The following DCHS1 variants were observed in gnomAD, a reference collection of about 807,000 sequenced individuals.
DCHS1 encodes dachsous cadherin-related 1, also known as protocadherin-16.
In DCHS1, 78 loss-of-function variants were observed where a neutral mutation model predicts 213.9. The ratio of observed to expected loss-of-function variants is 0.36; its 90% CI spans 0.30 to 0.44. The LOEUF (loss-of-function observed/expected upper bound fraction) is 0.44. Ranked by LOEUF, DCHS1 falls within the 20% of genes least tolerant of loss-of-function variation. The probability of loss-of-function intolerance (pLI) is 1.00; values close to 1 mark genes in which losing one functional copy is unlikely to be tolerated. For synonymous variants in DCHS1, 1,828 were observed against 1,873.7 expected (o/e 0.98, Z 0.63); for missense variants, 3,946 against 4,395.9 (o/e 0.90, Z 2.89).
In DCHS1 at chr11:6,632,422, G is replaced by A; in HGVS notation, c.3090C>T (p.Gly1030=). The change falls in exon 6 of 21, where the codon GGC becomes GGT. Residue 1030 remains glycine (G), a synonymous_variant. Coordinates refer to ENST00000299441, the MANE Select transcript of DCHS1 (RefSeq NM_003737.4). The surrounding 1 kb of genome is among the most constrained non-coding windows in gnomAD (Gnocchi z 5.9). ...CTGCTGCAAGGTGATAGGTGATAGG[G>A]CCCCCATCTGGTGCTTGGGCCTGCA... The part of the protein sequence containing the change: ...LQVQAQAPDG[G]PITYHLAAEG... The A allele has an allele frequency of 6.2e-7, 1 of 1,611,320 alleles. No homozygotes were observed. Among genetic ancestry groups the A allele is most frequent in the Non-Finnish European group, 8.5e-7 (1 of 1,178,068 alleles).
At chr11:6,636,785 T>C (rs1229917192) in intron 2 of DCHS1, among the ~76,000 whole-genome samples, 1 of 152,196 alleles carries the variant, frequency 6.6e-6, no homozygotes, top group African/African-American at 2.4e-5. Flanking sequence ...CTCTTCTCAC[T>C]CCACACATTC....
intron 12 of DCHS1, 147 bp downstream of exon 12, chr11:6,629,305 G>A (rs930204664): frequency 8.7e-6 from 10 of 1,143,602 alleles, no homozygotes; most frequent in African/African-American, 3.1e-5. Flanking sequence ...CCAAACTCTC[G>A]ACTCCCCAAA....
Position 6,640,112 on chromosome 11 carries a change from T to A in DCHS1, c.1502A>T (p.Asp501Val). The A allele has an allele frequency of 6.2e-7, 1 of 1,613,642 alleles. No individual in the cohort carries two copies. The highest frequency in any genetic ancestry group is 8.5e-7 in the Non-Finnish European group (1 of 1,179,734). ...FVVRVTARDPDQGTNGQVTYS... is the reference protein window; with the variant it reads ...FVVRVTARDPVQGTNGQVTYS... ...AGTGACCTGACCATTGGTGCCTTGG[T>A]CAGGATCCCGAGCAGTCACCCGCAC... Residue 501 changes from aspartate to valine, a missense_variant, in exon 2 of 21, where the codon GAC becomes GTC. Physicochemically the swap from Asp to Val is radical, Grantham distance 152. This residue lies in a region of DCHS1 where 3,384 missense variants were observed against 3,780.1 expected (regional missense o/e 0.90). Coordinates refer to ENST00000299441, the MANE Select transcript of DCHS1 (RefSeq NM_003737.4). The surrounding 1 kb of genome is among the most constrained non-coding windows in gnomAD (Gnocchi z 6.5).
Position 6,633,769 on chromosome 11 carries a change from G to A in DCHS1, c.2218+20C>T, listed in dbSNP as rs768302054. ...GGAGGGGGACCTGGGGGAAGGCCCC[G>A]GGAATGGGAGGATCCTCACCTGATT... On this transcript the variant is annotated intron_variant, in intron 4 of 20. Transcript: ENST00000299441. 12 of 1,607,720 alleles carry A rather than the reference G, an allele frequency of 7.5e-6. No individual in the cohort carries two copies. Among genetic ancestry groups the A allele is most frequent in the Middle Eastern group, 1.6e-4 (1 of 6,072 alleles).
chr11:6,629,572 T>C lies in DCHS1; in HGVS notation c.5041A>G (p.Asn1681Asp). 6.2e-7 allele frequency: 1 copy of C among 1,613,732 alleles called. No homozygotes were observed. The highest frequency in any genetic ancestry group is 8.5e-7 in the Non-Finnish European group (1 of 1,179,758). ...LRATDPDVGANGQVTYGGVSS... is the reference protein window; with the variant it reads ...LRATDPDVGADGQVTYGGVSS... ...ACGCCTCCATAAGTCACTTGCCCGT[T>C]GGCCCCTGAGGAGGGGCAGCATGGA... The change falls in exon 12 of 21, where the codon AAC (asparagine) becomes GAC (aspartate). Residue 1681 changes from asparagine to aspartate, a missense_variant. Around this residue, in one of 3 missense-constraint regions of DCHS1, gnomAD observed 3,384 missense variants for 3,780.1 expected, o/e 0.90. Coordinates refer to ENST00000299441, the MANE Select transcript of DCHS1 (RefSeq NM_003737.4).
In DCHS1 at chr11:6,640,931, T is replaced by G; in HGVS notation, c.683A>C (p.Tyr228Ser). Residue 228 changes from tyrosine (Y) to serine (S), a missense_variant, in exon 2 of 21, where the codon TAT becomes TCT. Physicochemically the swap from Tyr to Ser is moderately radical, Grantham distance 144. Around this residue, in one of 3 missense-constraint regions of DCHS1, gnomAD observed 3,384 missense variants for 3,780.1 expected, o/e 0.90. Coordinates refer to ENST00000299441, the MANE Select transcript of DCHS1 (RefSeq NM_003737.4). The surrounding 1 kb of genome is among the most constrained non-coding windows in gnomAD (Gnocchi z 6.5). ...RSHYMLQLEA[Y>S]DGGSPPRRAQ... ...CCTCCGGGGGGGTGAACCACCATCA[T>G]AGGCCTCCAGCTGTAGCATATAGTG... 6.2e-7 allele frequency: 1 copy of G among 1,614,026 alleles called. No individual in the cohort carries two copies. Among genetic ancestry groups the G allele is most frequent in the Non-Finnish European group, 8.5e-7 (1 of 1,179,890 alleles).
At chr11:6,646,369 C>G (rs937976483) in intron 1 of DCHS1, among the ~76,000 whole-genome samples, 5 of 152,178 alleles carry the variant, frequency 3.3e-5, no homozygotes, top group Non-Finnish European at 7.3e-5. Context: ...CAGTTCCAAA[C>G]TCGAACTCCA....
chr11:6,635,595 A>G (rs1589958582), intron 2 of DCHS1, among the ~76,000 whole-genome samples: 2 of 151,992 alleles, frequency 1.3e-5, no homozygotes, highest in South Asian at 2.1e-4. Flanking sequence ...GCCATTGTTT[A>G]CCCTCCTGAG....
In DCHS1 at chr11:6,625,219, G is replaced by T; in HGVS notation, c.7125C>A (p.Ala2375=). 6.2e-7 allele frequency: 1 copy of T among 1,600,906 alleles called. No individual in the cohort carries two copies. Among genetic ancestry groups the T allele is most frequent in the Non-Finnish European group, 8.5e-7 (1 of 1,172,420 alleles). ...LVEDVNDNAP[A]FSQSLYQVML... ...ATACCTGGTAGAGGCTCTGTGAGAA[G>T]GCAGGTGCATTGTCATTGACATCCT... Residue 2375 remains alanine (A), a synonymous_variant, in exon 19 of 21, where the codon GCC becomes GCA. Transcript: ENST00000299441. This position sits in a 1 kb window ranked among gnomAD's most constrained non-coding sequence, Gnocchi z 5.3.
At position 6,628,511 on chromosome 11, in the gene DCHS1, C is replaced by A; in HGVS notation, c.5371+110G>T. 3 of 1,241,132 alleles carry A rather than the reference C, an allele frequency of 2.4e-6. No individual in the cohort carries two copies. In the South Asian group the frequency reaches 3.8e-5, roughly 16 times the overall value. 76.9% of individuals were successfully genotyped at this position (1,241,132 alleles called of 1,614,324 possible). A position where few individuals can be genotyped will look rare whatever the true frequency, so the allele number is the denominator to read the frequency against. On this transcript the variant is annotated intron_variant, in intron 13 of 20. Coordinates refer to ENST00000299441, the MANE Select transcript of DCHS1 (RefSeq NM_003737.4). This position sits in a 1 kb window ranked among gnomAD's most constrained non-coding sequence, Gnocchi z 4.3. ...GCATGAAAGAAAAGGTGGACGACAT[C>A]AAGAGGGAAAAGGAGACCCAGACAC...
rs769084303 is a variant in DCHS1 at position 6,622,154 on chromosome 11, T to C, written c.9522A>G (p.Gln3174=). The part of the protein sequence containing the change: ...DYLLSWCPQF[Q]PLASVFTEIA... ...TCTCTGTGAAGACACTGGCCAGTGG[T>C]TGGAACTGAGGGCACCAGCTCAGCA... Residue 3174 remains glutamine (Q), a synonymous_variant, in exon 21 of 21, where the codon CAA becomes CAG. Coordinates refer to ENST00000299441, the MANE Select transcript of DCHS1 (RefSeq NM_003737.4). This position sits in a 1 kb window ranked among gnomAD's most constrained non-coding sequence, Gnocchi z 5.4. The C allele has an allele frequency of 2.2e-5, 36 of 1,611,962 alleles. 1 individual carries two copies. In the East Asian group the frequency reaches 5.6e-4, roughly 25 times the overall value.
rs1855935011 is a variant in DCHS1 at position 6,632,934 on chromosome 11, C to G, written c.2578G>C (p.Val860Leu). 6.2e-7 allele frequency: 1 copy of G among 1,614,080 alleles called. No individual in the cohort carries two copies. Among genetic ancestry groups the G allele is most frequent in the Admixed American group, 1.7e-5 (1 of 60,028 alleles). The change falls in exon 6 of 21, where the codon GTG (valine) becomes CTG (leucine). Residue 860 changes from valine (V) to leucine (L), a missense_variant. This residue lies in a region of DCHS1 where 3,384 missense variants were observed against 3,780.1 expected (regional missense o/e 0.90). Coordinates refer to ENST00000299441, the MANE Select transcript of DCHS1 (RefSeq NM_003737.4). The surrounding 1 kb of genome is among the most constrained non-coding windows in gnomAD (Gnocchi z 5.9). ...RPLDRELLGP[V>L]LELEVRAGSG... ...CCTGCTCGCACCTCCAGCTCCAACACTGGTCCCAGTAGCTCCCGGTCCAGA... is the reference window on the plus strand; with the variant it reads ...CCTGCTCGCACCTCCAGCTCCAACAGTGGTCCCAGTAGCTCCCGGTCCAGA...
Position 6,640,538 on chromosome 11 carries a change from T to C in DCHS1, c.1076A>G (p.Gln359Arg), listed in dbSNP as rs757345477. ...TVHVRDANDNQPSMTVIFLSA... is the reference protein window; with the variant it reads ...TVHVRDANDNRPSMTVIFLSA... ...GAGAAAGATGACAGTCATGGAGGGCTGATTGTCATTGGCATCTCGCACATG... is the reference window on the plus strand; with the variant it reads ...GAGAAAGATGACAGTCATGGAGGGCCGATTGTCATTGGCATCTCGCACATG... Residue 359 changes from glutamine (Q) to arginine (R), a missense_variant, in exon 2 of 21, where the codon CAG (glutamine) becomes CGG (arginine). Gln to Arg is a conservative substitution (Grantham distance 43, BLOSUM62 1). This residue lies in a region of DCHS1 where 3,384 missense variants were observed against 3,780.1 expected (regional missense o/e 0.90). Coordinates refer to ENST00000299441, the MANE Select transcript of DCHS1 (RefSeq NM_003737.4). This position sits in a 1 kb window ranked among gnomAD's most constrained non-coding sequence, Gnocchi z 6.5. The C allele has an allele frequency of 3.1e-6, 5 of 1,610,646 alleles. No homozygotes were observed. Among genetic ancestry groups the C allele is most frequent in the Non-Finnish European group, 4.2e-6 (5 of 1,179,876 alleles).
In DCHS1 at chr11:6,641,107, A is replaced by C. The variant is rs1232246280; in HGVS notation, c.507T>G (p.Asp169Glu). 6.2e-7 allele frequency: 1 copy of C among 1,613,846 alleles called. No individual in the cohort carries two copies. Among genetic ancestry groups the C allele is most frequent in the Non-Finnish European group, 8.5e-7 (1 of 1,179,904 alleles). Reference sequence around the variant, plus strand: ...GGGTTCCCAGACGCCCAGCATCTGCATCACGAGCAGGCTCCAGTGGGTAGC... The same window carrying C: ...GGGTTCCCAGACGCCCAGCATCTGCCTCACGAGCAGGCTCCAGTGGGTAGC... The part of the protein sequence containing the change: ...GTRYPLEPAR[D>E]ADAGRLGTQG... Residue 169 changes from aspartate to glutamate, a missense_variant, in exon 2 of 21, where the codon GAT becomes GAG. Physicochemically the swap from Asp to Glu is conservative, Grantham distance 45 (BLOSUM62 2). Coordinates refer to ENST00000299441, the MANE Select transcript of DCHS1 (RefSeq NM_003737.4). The surrounding 1 kb of genome is among the most constrained non-coding windows in gnomAD (Gnocchi z 7.1).
In DCHS1 at chr11:6,623,069, G is replaced by A. The variant is rs1169957225; in HGVS notation, c.8607C>T (p.Tyr2869=). The change falls in exon 21 of 21, where the codon TAC becomes TAT. Residue 2869 remains tyrosine, a synonymous_variant. Coordinates refer to ENST00000299441, the MANE Select transcript of DCHS1 (RefSeq NM_003737.4). ...CTGGTGCCCGACTGTCCACCCGCAG[G>A]TACAGGGCTCCTGTAGTCTGGTTAA... The part of the protein sequence containing the change: ...FGINQTTGAL[Y]LRVDSRAPGS... 3 of 1,589,418 alleles carry A rather than the reference G, an allele frequency of 1.9e-6. No homozygotes were observed. Among genetic ancestry groups the A allele is most frequent in the African/African-American group, 1.3e-5 (1 of 74,324 alleles).
intron 1 of DCHS1, among the ~76,000 whole-genome samples, chr11:6,643,818 A>G (rs1240958229): frequency 6.6e-6 from 1 of 152,148 alleles, no homozygotes; most frequent in Admixed American, 6.5e-5. Context: ...CAGTATCCCC[A>G]GTCATCACCT....
At chr11:6,629,409 T>C in intron 12 of DCHS1, 43 bp downstream of exon 12, 1 of 1,607,054 alleles carries the variant, frequency 6.2e-7, no homozygotes, top group Admixed American at 1.7e-5. Flanking sequence ...CACTGGTGTT[T>C]ACAACACCTC....
rs1438707914 is a variant in DCHS1, at chr11:6,621,991, TG to T, written c.9684del (p.Ile3229SerfsTer166). 1.2e-6 allele frequency: 2 copies of T among 1,611,942 alleles called. No individual in the cohort carries two copies. Among genetic ancestry groups the T allele is most frequent in the African/African-American group, 2.7e-5 (2 of 74,114 alleles). Reference sequence around the variant, plus strand: ...GAGCGGTGAGAAGCTGGTGGGAAGATGGCCCGGGCTGCAGCTGTGTTTGCTG... The same window carrying T: ...GAGCGGTGAGAAGCTGGTGGGAAGATGCCCGGGCTGCAGCTGTGTTTGCTG... ...PKPANTAAAR[A>X]IFPPASHRSP... On this transcript the variant is annotated frameshift_variant, in exon 21 of 21. Transcript: ENST00000299441. LOFTEE classifies it high-confidence loss of function.
intron 1 of DCHS1, 46 bp downstream of exon 1, chr11:6,655,517 G>GCAGGGCGGGCGCGGCCAGA (rs1856302874): frequency 1.0e-6 from 1 of 971,460 alleles, no homozygotes; most frequent in African/African-American, 1.8e-5. Flanking sequence ...AGGCCGGCGG[G>GCAGGGCGGGCGCGGCCAGA]CAGGGCGGGC....
Sources: gnomAD v4.1 joint callset for allele counts (sites outside exome capture counted in the v4.1 genomes callset) on GRCh38, gnomAD v4.1.1 for gene constraint, gnomAD v4.1.1 regional missense constraint, Gnocchi (gnomAD v3.1) non-coding constraint, MANE v1.5 for transcripts, NCBI Gene and HGNC (gene_info 2026-07-23, HGNC 2026-07-21) for gene names.